The following ETFDH variants were observed in gnomAD, a reference collection of about 807,000 sequenced individuals.
ETFDH encodes the protein electron transfer flavoprotein-ubiquinone oxidoreductase, mitochondrial.
In ETFDH, 61 loss-of-function variants were observed where a neutral mutation model predicts 73.2. That is an observed-to-expected ratio of 0.83 (90% CI 0.68 to 1.03). The LOEUF is 1.03. Ranked by LOEUF, ETFDH falls within the 50% of genes least tolerant of loss-of-function variation. ETFDH has a pLI of 0.00. For missense variants in ETFDH, 685 were observed against 745.0 expected, an observed-to-expected ratio of 0.92 and a Z score of 0.94; for synonymous variants, 243 against 253.3, an observed-to-expected ratio of 0.96 and a Z score of 0.39.
At chr4:158,705,947 G>A (rs1580422205) in intron 10 of ETFDH, among the ~76,000 whole-genome samples, 2 of 152,270 alleles carry the variant, frequency 1.3e-5, no homozygotes, top group Non-Finnish European at 2.9e-5. Flanking sequence ...AGGGTGTGGT[G>A]GCGTGTGCCT....
rs541324320 is a variant in ETFDH at position 158,705,882 on chromosome 4, A to C, written c.1286-307A>C. On this transcript the variant is annotated intron_variant, in intron 10 of 12. Coordinates refer to ENST00000511912, the MANE Select transcript of ETFDH (RefSeq NM_004453.4). ...TATCACTTGAGCCCAGCAGTTCAAG[A>C]CCAGCCTGGGCAACATGGCAAAACC... Among the ~76,000 whole-genome samples the C allele has an allele frequency of 2.6e-5, 4 of 152,312 alleles. No individual in the cohort carries two copies. The East Asian group carries it at 7.7e-4, about 29-fold the overall frequency.
At chr4:158,688,182 AAGAGATCG>A (rs1272495538) in intron 5 of ETFDH, among the ~76,000 whole-genome samples, 3 of 152,116 alleles carry the variant, frequency 2.0e-5, no homozygotes, top group African/African-American at 7.2e-5. Flanking sequence ...TCACGAGGTC[AAGAGATCG>A]AGACCATCCT....
At chr4:158,677,996 A>G (rs1024447849) in intron 1 of ETFDH, among the ~76,000 whole-genome samples, 2 of 152,190 alleles carry the variant, frequency 1.3e-5, no homozygotes, top group Non-Finnish European at 2.9e-5. Context: ...AACTTTTTTT[A>G]TCACCATAAT....
chr4:158,682,410 T>G lies in ETFDH; in HGVS notation c.391T>G (p.Trp131Gly), dbSNP rs758081107. ...TGCTTTTAAAGAACTCTTCCCAGAC[T>G]GGAAAGAGAAGGGGGTATGAAAAAT... ...PGAFKELFPDWKEKGAPLNTP... is the reference protein window; with the variant it reads ...PGAFKELFPDGKEKGAPLNTP... Residue 131 changes from tryptophan to glycine, a missense_variant, in exon 3 of 13, where the codon TGG becomes GGG. Trp to Gly is a radical substitution (Grantham distance 184). Transcript: ENST00000511912. 1 of 1,613,858 alleles carries G rather than the reference T, an allele frequency of 6.2e-7. No homozygotes were observed. The highest frequency in any genetic ancestry group is 1.1e-5 in the South Asian group (1 of 91,080).
At chr4:158,693,275 A>G (rs1389635931) in intron 6 of ETFDH, among the ~76,000 whole-genome samples, 1 of 152,144 alleles carries the variant, frequency 6.6e-6, no homozygotes, top group Non-Finnish European at 1.5e-5. Flanking sequence ...TTCCTTCTTG[A>G]AACACTTTTT....
intron 3 of ETFDH, 146 bp downstream of exon 3, chr4:158,682,570 G>A: frequency 3.0e-6 from 2 of 676,814 alleles, no homozygotes; most frequent in Non-Finnish European, 4.8e-6. Flanking sequence ...TTTCACTCTT[G>A]TTGCCCAGGC....
chr4:158,677,592 A>T (rs1773742491), intron 1 of ETFDH, among the ~76,000 whole-genome samples: 1 of 152,210 alleles, frequency 6.6e-6, no homozygotes, highest in Non-Finnish European at 1.5e-5. Context: ...ATGTCCAAGA[A>T]ATATATTTTG....
At chr4:158,692,414 A>AG (rs1774193569) in intron 6 of ETFDH, among the ~76,000 whole-genome samples, 1 of 146,612 alleles carries the variant, frequency 6.8e-6, no homozygotes, top group African/African-American at 2.4e-5. Flanking sequence ...AAAAAAAAAA[A>AG]AAAAAAAAAA....
intron 3 of ETFDH, among the ~76,000 whole-genome samples, chr4:158,684,009 C>CA (rs1282293636): frequency 6.6e-6 from 1 of 152,122 alleles, no homozygotes; most frequent in South Asian, 2.1e-4. Flanking sequence ...TCCACAGAGA[C>CA]AAAAAGACAT....
rs1774337336 is a variant in ETFDH, at chr4:158,697,464, A to G, written c.832-95A>G. 5.1e-6 allele frequency: 5 copies of G among 985,654 alleles called. No homozygotes were observed. In the Admixed American group the frequency reaches 8.5e-5, roughly 17 times the overall value. The allele number at this position is 985,654 out of a possible 1,614,324, so 61.1% of individuals were successfully genotyped here. On this transcript the variant is annotated intron_variant, in intron 7 of 12. Coordinates refer to ENST00000511912, the MANE Select transcript of ETFDH (RefSeq NM_004453.4). Reference sequence around the variant, plus strand: ...TTTTTCACTTGTAATTTTCATAAATAAGACATTAAACCTGGCAAGTTTTAT... The same window carrying G: ...TTTTTCACTTGTAATTTTCATAAATGAGACATTAAACCTGGCAAGTTTTAT...
At chr4:158,705,463 G>T (rs570081050) in intron 10 of ETFDH, among the ~76,000 whole-genome samples, 1 of 152,294 alleles carries the variant, frequency 6.6e-6, no homozygotes, top group Non-Finnish European at 1.5e-5. Flanking sequence ...CACTAATAAG[G>T]TCACAGTCTA....
intron 1 of ETFDH, among the ~76,000 whole-genome samples, chr4:158,676,313 G>C (rs1341140739): frequency 6.6e-6 from 1 of 152,070 alleles, no homozygotes; most frequent in Non-Finnish European, 1.5e-5. Flanking sequence ...CTAGTTCATC[G>C]ATCTGGGTGG....
At position 158,692,284 on chromosome 4, in the gene ETFDH, C is replaced by CA. The variant is rs1774187880; in HGVS notation, c.684+1860dup. Among the ~76,000 whole-genome samples the CA allele has an allele frequency of 2.6e-5, 4 of 151,896 alleles. No individual in the cohort carries two copies. In the South Asian group the frequency reaches 8.3e-4, roughly 32 times the overall value. On this transcript the variant is annotated intron_variant, in intron 6 of 12. Coordinates refer to ENST00000511912, the MANE Select transcript of ETFDH (RefSeq NM_004453.4). Reference sequence around the variant, plus strand: ...GCGTAGTGGCGCACGCCTGTAATCCCAGCTGTTCGGGAGGCTGAGGCAGGA... The same window carrying CA: ...GCGTAGTGGCGCACGCCTGTAATCCCAAGCTGTTCGGGAGGCTGAGGCAGGA...
At chr4:158,693,415 T>A (rs1242620734) in intron 6 of ETFDH, among the ~76,000 whole-genome samples, 1 of 152,142 alleles carries the variant, frequency 6.6e-6, no homozygotes, top group Admixed American at 6.6e-5. Context: ...ACCTGGTAAG[T>A]AGTAGGGCTG....
At chr4:158,673,303 A>C (rs1773627608) in intron 1 of ETFDH, among the ~76,000 whole-genome samples, 1 of 151,802 alleles carries the variant, frequency 6.6e-6, no homozygotes. Flanking sequence ...ACTCCGTCTC[A>C]AAAAAAAATT....
At chr4:158,694,783 A>T (rs1251373276) in intron 6 of ETFDH, among the ~76,000 whole-genome samples, 3 of 152,026 alleles carry the variant, frequency 2.0e-5, no homozygotes, top group South Asian at 2.1e-4. Context: ...TATCAATTTT[A>T]AAAAAATAGA....
Position 158,672,478 on chromosome 4 carries a change from C to T in ETFDH, c.22C>T (p.Leu8=). 6.2e-7 allele frequency: 1 copy of T among 1,614,168 alleles called. No individual in the cohort carries two copies. Among genetic ancestry groups the T allele is most frequent in the Non-Finnish European group, 8.5e-7 (1 of 1,179,996 alleles). The stretch of plus-strand genomic sequence containing the variant: ...GAACATGCTGGTGCCGCTAGCCAAG[C>T]TGTCCTGCCTGGGTGAGAGGAAACG... MLVPLAK[L]SCLAYQCFHA... Residue 8 remains leucine (L), a synonymous_variant, in exon 1 of 13, where the codon CTG becomes TTG. Coordinates refer to ENST00000511912, the MANE Select transcript of ETFDH (RefSeq NM_004453.4).
At chr4:158,689,650 G>T (rs1774110778) in intron 5 of ETFDH, among the ~76,000 whole-genome samples, 1 of 100,524 alleles carries the variant, frequency 9.9e-6, no homozygotes. Context: ...TGGGGGGGTG[G>T]GTTCATATCC....
intron 1 of ETFDH, among the ~76,000 whole-genome samples, chr4:158,675,069 C>T (rs984899376): frequency 1.3e-5 from 2 of 152,056 alleles, no homozygotes; most frequent in African/African-American, 4.8e-5. Flanking sequence ...TAAGATATGT[C>T]ACAAATCATA....
Sources: gnomAD v4.1 joint callset for allele counts (sites outside exome capture counted in the v4.1 genomes callset) on GRCh38, gnomAD v4.1.1 for gene constraint, MANE v1.5 for transcripts, NCBI Gene and HGNC (gene_info 2026-07-23, HGNC 2026-07-21) for gene names.